ANKFN1: variants seen among roughly 807,000 people sequenced by gnomAD.
ANKFN1 encodes the protein ankyrin repeat and fibronectin type-III domain-containing protein 1.
Under a neutral mutation model 108.7 loss-of-function variants are expected in ANKFN1, and 74 were observed. The ratio of observed to expected loss-of-function variants is 0.68; its 90% confidence interval spans 0.56 to 0.83. ANKFN1 has a LOEUF of 0.83. ANKFN1 is among the 40% of genes least tolerant of loss of function. ANKFN1 has a pLI of 0.00. For synonymous variants in ANKFN1, 547 were observed against 516.2 expected, an observed-to-expected ratio of 1.06 and a Z score of -0.81; for missense variants, 1,505 against 1,382.3, an observed-to-expected ratio of 1.09 and a Z score of -1.41.
intron 1 of ANKFN1, among the ~76,000 whole-genome samples, chr17:56,175,264 C>A (rs995803784): frequency 1.1e-4 from 16 of 152,092 alleles, no homozygotes; most frequent in Admixed American, 4.6e-4. Flanking sequence ...ATTTTGAGTG[C>A]CAGACAGTTA....
chr17:56,271,486 C>A (rs981021877), intron 3 of ANKFN1, among the ~76,000 whole-genome samples: 2 of 152,170 alleles, frequency 1.3e-5, no homozygotes, highest in Admixed American at 1.3e-4. Flanking sequence ...CAGAGTCATA[C>A]ATAAGCTTAA....
At chr17:56,443,809 A>G (rs1452418665) in intron 10 of ANKFN1, among the ~76,000 whole-genome samples, 2 of 152,170 alleles carry the variant, frequency 1.3e-5, no homozygotes, top group African/African-American at 2.4e-5. Context: ...CATACCATAG[A>G]TTTTTCTATG....
chr17:56,339,896 G>A (rs1156293861), intron 4 of ANKFN1, among the ~76,000 whole-genome samples: 1 of 152,094 alleles, frequency 6.6e-6, no homozygotes, highest in African/African-American at 2.4e-5. Flanking sequence ...TTCCACAATG[G>A]CTGGACTAAT....
At chr17:56,216,864 T>C (rs1915461910) in intron 2 of ANKFN1, among the ~76,000 whole-genome samples, 1 of 152,198 alleles carries the variant, frequency 6.6e-6, no homozygotes, top group South Asian at 2.1e-4. Context: ...ACCCATGGGA[T>C]AATTAAGCTT....
At position 56,516,208 on chromosome 17, in the gene ANKFN1, C is replaced by T. The variant is rs2051910868; in HGVS notation, c.*4939C>T. ...GTGAAAATCAGATGTTTGGGGGTAT[C>T]CATGTATGTGACCACAAGCATCAGT... On this transcript the variant is annotated 3_prime_UTR_variant, in exon 21 of 21. Coordinates refer to ENST00000682825, the MANE Select transcript of ANKFN1 (RefSeq NM_001370326.1). Among the ~76,000 whole-genome samples the T allele has an allele frequency of 6.6e-6, 1 of 151,614 alleles. No homozygotes were observed. The highest frequency in any genetic ancestry group is 2.1e-4 in the South Asian group (1 of 4,800).
upstream of ANKFN1, chr17:56,153,362 G>A: frequency 3.2e-6 from 3 of 952,210 alleles, no homozygotes; most frequent in Non-Finnish European, 1.7e-6. Flanking sequence ...CACTCCTGGA[G>A]CCAAGCCGTG....
At chr17:56,265,648 G>T (rs1297114478) in intron 3 of ANKFN1, among the ~76,000 whole-genome samples, 3 of 152,114 alleles carry the variant, frequency 2.0e-5, no homozygotes, top group Non-Finnish European at 4.4e-5. Context: ...AGAAGGATTG[G>T]TTCCAGGACC....
intron 15 of ANKFN1, among the ~76,000 whole-genome samples, chr17:56,476,565 T>A (rs2050506710): frequency 6.6e-6 from 1 of 152,196 alleles, no homozygotes; most frequent in African/African-American, 2.4e-5. Flanking sequence ...TTGTAAAAGA[T>A]ACAGAATTCA....
Position 56,409,965 on chromosome 17 carries a change from A to T in ANKFN1, c.911-30362A>T, listed in dbSNP as rs1429578425. ...AAAAATTGATCCACCATTACTTAAT[A>T]TAATATATAATTTTTTTAAAAAAAC... On this transcript the variant is annotated intron_variant, in intron 8 of 20. Coordinates refer to ENST00000682825, the MANE Select transcript of ANKFN1 (RefSeq NM_001370326.1). 2.6e-5 allele frequency among the ~76,000 whole-genome samples: 4 copies of T among 152,166 alleles called. 1 individual carries two copies. The East Asian group carries it at 7.7e-4, about 29-fold the overall frequency.
intron 4 of ANKFN1, among the ~76,000 whole-genome samples, chr17:56,105,700 G>A (rs1357964996): frequency 8.8e-6 from 1 of 113,386 alleles, no homozygotes; most frequent in East Asian, 2.9e-4. Context: ...GAGTTTTGGG[G>A]GTTTTTTTGT....
chr17:56,307,268 A>G (rs928160776), intron 3 of ANKFN1, among the ~76,000 whole-genome samples: 18 of 152,218 alleles, frequency 1.2e-4, no homozygotes, highest in African/African-American at 3.9e-4. Flanking sequence ...AGCAAAAGAA[A>G]CTACCATCAG....
At chr17:56,323,822 A>G (rs565456589) in intron 3 of ANKFN1, among the ~76,000 whole-genome samples, 3 of 152,354 alleles carry the variant, frequency 2.0e-5, no homozygotes, top group African/African-American at 7.2e-5. Context: ...GCAGAGAATA[A>G]GAGACTTTGC....
intron 20 of ANKFN1, among the ~76,000 whole-genome samples, chr17:56,508,118 T>C (rs1180122602): frequency 6.6e-6 from 1 of 152,198 alleles, no homozygotes; most frequent in Admixed American, 6.5e-5. Context: ...CCCCACAGCC[T>C]GAACAAGGTA....
chr17:56,152,013 G>T (rs1908657311), upstream of ANKFN1, among the ~76,000 whole-genome samples: 1 of 151,988 alleles, frequency 6.6e-6, no homozygotes. Context: ...GAAAAGGAAT[G>T]AAGCATGGTG....
In ANKFN1 at chr17:56,410,817, A is replaced by G. The variant is rs562951338; in HGVS notation, c.911-29510A>G. On this transcript the variant is annotated intron_variant, in intron 8 of 20. Transcript: ENST00000682825. ...TATATTATTCCTAGCATCTTTGTCAAAAGTCAACTGATGGTAAATACATGG... is the reference window on the plus strand; with the variant it reads ...TATATTATTCCTAGCATCTTTGTCAGAAGTCAACTGATGGTAAATACATGG... 2.6e-5 allele frequency among the ~76,000 whole-genome samples: 4 copies of G among 152,328 alleles called. No individual in the cohort carries two copies. In the East Asian group the frequency reaches 7.7e-4, roughly 29 times the overall value.
chr17:56,153,111 T>C (rs1002819743), upstream of ANKFN1, among the ~76,000 whole-genome samples: 1 of 152,120 alleles, frequency 6.6e-6, no homozygotes, highest in Non-Finnish European at 1.5e-5. Context: ...TCAGTCTCAC[T>C]CTCTCTTTCC....
At chr17:56,491,913 A>C (rs1158070069) in intron 18 of ANKFN1, among the ~76,000 whole-genome samples, 1 of 152,144 alleles carries the variant, frequency 6.6e-6, no homozygotes, top group Non-Finnish European at 1.5e-5. Context: ...ATCAGCCCCA[A>C]CTTTAGGGAA....
intron 4 of ANKFN1, among the ~76,000 whole-genome samples, chr17:56,143,006 T>C (rs1397927426): frequency 6.6e-6 from 1 of 152,046 alleles, no homozygotes; most frequent in Non-Finnish European, 1.5e-5. Context: ...CAGATGACCC[T>C]CACCAATGAA....
chr17:56,345,208 C>A (rs2046064551), intron 4 of ANKFN1, among the ~76,000 whole-genome samples: 1 of 152,100 alleles, frequency 6.6e-6, no homozygotes, highest in Non-Finnish European at 1.5e-5. Context: ...CATGTCCCTG[C>A]AAAGGACATG....
Sources: gnomAD v4.1 joint callset for allele counts (sites outside exome capture counted in the v4.1 genomes callset) on GRCh38, gnomAD v4.1.1 for gene constraint, MANE v1.5 for transcripts, NCBI Gene and HGNC (gene_info 2026-07-23, HGNC 2026-07-21) for gene names.